The following SLC9A9 variants were observed in gnomAD, a reference collection of about 807,000 sequenced individuals.
SLC9A9 encodes the protein solute carrier family 9 member A9.
Under a neutral mutation model 77.8 loss-of-function variants are expected in SLC9A9, and 62 were observed. The observed-to-expected ratio is 0.80, with a 90% CI of 0.65 to 0.98. The LOEUF is 0.98. Ranked by LOEUF, SLC9A9 falls within the 50% of genes least tolerant of loss-of-function variation. SLC9A9 has a pLI of 0.00. For synonymous variants in SLC9A9, 320 were observed against 283.5 expected, an observed-to-expected ratio of 1.13 and a Z score of -1.29; for missense variants, 775 against 774.9, an observed-to-expected ratio of 1.00 and a Z score of 0.00.
intron 2 of SLC9A9, among the ~76,000 whole-genome samples, chr3:143,823,667 T>TA (rs1559815396): frequency 6.6e-6 from 1 of 151,230 alleles, no homozygotes; most frequent in African/African-American, 2.4e-5. Context: ...ATAAAAAAAT[T>TA]AAAAAATAAA....
chr3:143,686,907 G>GT (rs61342944), intron 5 of SLC9A9, among the ~76,000 whole-genome samples: 65,486 of 151,826 alleles, frequency 0.43, 14,326 homozygotes, highest in South Asian at 0.6. Context: ...CCTAGTCTCT[G>GT]TTTTTTGCAC....
At chr3:143,331,660 T>C (rs9332458) in intron 14 of SLC9A9, among the ~76,000 whole-genome samples, 51,281 of 152,020 alleles carry the variant, frequency 0.34, 9,508 homozygotes, top group African/African-American at 0.49. Context: ...GTTGGTTACT[T>C]GCCGGGCACT....
At chr3:143,493,506 A>T in intron 11 of SLC9A9, 147 bp downstream of exon 11, 1 of 688,208 alleles carries the variant, frequency 1.5e-6, no homozygotes, top group Admixed American at 2.3e-5. Flanking sequence ...GTTGCTCAGC[A>T]CTTACGGAGA....
At chr3:143,477,737 T>G (rs1266469972) in intron 11 of SLC9A9, among the ~76,000 whole-genome samples, 1 of 152,100 alleles carries the variant, frequency 6.6e-6, no homozygotes, top group Non-Finnish European at 1.5e-5. Context: ...ACCTATGCAA[T>G]GTGTCTCTGT....
At chr3:143,410,094 C>A (rs2034063473) in intron 12 of SLC9A9, among the ~76,000 whole-genome samples, 1 of 152,192 alleles carries the variant, frequency 6.6e-6, no homozygotes, top group Non-Finnish European at 1.5e-5. Context: ...CCCCTTAACT[C>A]CCTGTCCCAA....
In SLC9A9 at chr3:143,396,684, G is replaced by T. The variant is rs543136145; in HGVS notation, c.1470-14570C>A. 2.2e-3 allele frequency among the ~76,000 whole-genome samples: 342 copies of T among 152,210 alleles called. 1 individual carries two copies. Among genetic ancestry groups the T allele is most frequent in the African/African-American group, 7.9e-3 (327 of 41,540 alleles). ...AGCTGTTGTTCTTGTTGTGGTAGTGGTATTAATAGATATTGTTGTCTTTGC... is the reference window on the plus strand; with the variant it reads ...AGCTGTTGTTCTTGTTGTGGTAGTGTTATTAATAGATATTGTTGTCTTTGC... On this transcript the variant is annotated intron_variant, in intron 12 of 15. Transcript: ENST00000316549.
At chr3:143,492,931 G>C (rs1429918575) in intron 11 of SLC9A9, among the ~76,000 whole-genome samples, 1 of 152,206 alleles carries the variant, frequency 6.6e-6, no homozygotes, top group East Asian at 1.9e-4. Flanking sequence ...AACAGGGAAA[G>C]ACTGAAGGTA....
At chr3:143,405,271 A>G (rs1403755747) in intron 12 of SLC9A9, among the ~76,000 whole-genome samples, 3 of 152,160 alleles carry the variant, frequency 2.0e-5, no homozygotes, top group Admixed American at 6.5e-5. Context: ...ACCTGAAGGC[A>G]TAAGTTCCTC....
At chr3:143,732,078 C>T (rs186890374) in intron 4 of SLC9A9, among the ~76,000 whole-genome samples, 593 of 152,310 alleles carry the variant, frequency 3.9e-3, no homozygotes, top group Non-Finnish European at 6.8e-3. Context: ...GCTCCAGGAA[C>T]CCTGTGTTGG....
Position 143,844,168 on chromosome 3 carries a change from T to C in SLC9A9, c.175+3980A>G, listed in dbSNP as rs1349365618. ...ATGCCACACAATTTTTCTTGGTCTC[T>C]ACAAGTGTTCATATGATATTTTAAG... On this transcript the variant is annotated intron_variant, in intron 1 of 15. Coordinates refer to ENST00000316549, the MANE Select transcript of SLC9A9 (RefSeq NM_173653.4). 4.6e-5 allele frequency among the ~76,000 whole-genome samples: 7 copies of C among 152,344 alleles called. No individual in the cohort carries two copies. The East Asian group carries it at 1.2e-3, about 25-fold the overall frequency.
At chr3:143,312,665 C>T (rs980340162) in intron 14 of SLC9A9, among the ~76,000 whole-genome samples, 1 of 152,214 alleles carries the variant, frequency 6.6e-6, no homozygotes, top group African/African-American at 2.4e-5. Context: ...AGGGTAGCAT[C>T]CCCAGCCTTC....
At position 143,363,516 on chromosome 3, in the gene SLC9A9, C is replaced by G. The variant is rs151078834; in HGVS notation, c.1572G>C (p.Arg524=). ...DKNMTKAESA[R]LFRMWYSFDH... is the part of the protein sequence containing the mutation. ...CAAAGCTATACCACATTCTGAAGAG[C>G]CGAGCACTCTCTGCTTTCGTCATGT... is the stretch of plus-strand genomic sequence containing the variant. The change falls in exon 14 of 16, where the codon CGG becomes CGC. Residue 524 remains arginine (R), a synonymous_variant. Coordinates refer to ENST00000316549, the MANE Select transcript of SLC9A9 (RefSeq NM_173653.4). 419 of 1,612,982 alleles carry G rather than the reference C, an allele frequency of 2.6e-4. 1 individual carries two copies. In the African/African-American group the frequency reaches 5.0e-3, roughly 19 times the overall value.
chr3:143,615,485 C>T (rs968221337), intron 6 of SLC9A9, among the ~76,000 whole-genome samples: 1 of 152,134 alleles, frequency 6.6e-6, no homozygotes, highest in African/African-American at 2.4e-5. Context: ...CTTGCTCCTC[C>T]TCTCTGTCTT....
At chr3:143,525,693 T>C (rs1399691942) in intron 9 of SLC9A9, among the ~76,000 whole-genome samples, 1 of 152,200 alleles carries the variant, frequency 6.6e-6, no homozygotes, top group African/African-American at 2.4e-5. Context: ...ACTTAGATAA[T>C]GTCAGTGAGT....
At chr3:143,308,086 G>C (rs76911166) in intron 14 of SLC9A9, among the ~76,000 whole-genome samples, 1 of 152,292 alleles carries the variant, frequency 6.6e-6, no homozygotes, top group Non-Finnish European at 1.5e-5. Context: ...TGGTAGCTGA[G>C]CAGTGTGTCT....
At chr3:143,667,405 C>G (rs2039087022) in intron 5 of SLC9A9, among the ~76,000 whole-genome samples, 1 of 152,180 alleles carries the variant, frequency 6.6e-6, no homozygotes, top group South Asian at 2.1e-4. Flanking sequence ...CAATACCATT[C>G]AGGACATAGG....
At chr3:143,532,617 A>C (rs992099481) in intron 9 of SLC9A9, among the ~76,000 whole-genome samples, 1 of 152,192 alleles carries the variant, frequency 6.6e-6, no homozygotes, top group African/African-American at 2.4e-5. Context: ...AAAGGAAAAA[A>C]ACCCTCATTT....
chr3:143,278,656 C>A (rs1938124019), intron 14 of SLC9A9, among the ~76,000 whole-genome samples: 1 of 151,752 alleles, frequency 6.6e-6, no homozygotes, highest in Non-Finnish European at 1.5e-5. Context: ...TACAAGCAAA[C>A]CAGTGATGTC....
At chr3:143,363,640 G>A (rs1211865520) in intron 13 of SLC9A9, 77 bp from the exon 14 acceptor site, 7 of 1,336,172 alleles carry the variant, frequency 5.2e-6, no homozygotes, top group Non-Finnish European at 7.4e-6. Flanking sequence ...GTCAAACCAA[G>A]TTAAATTTAA....
Sources: allele counts gnomAD v4.1 joint callset (sites outside exome capture counted in the v4.1 genomes callset), GRCh38; gene constraint gnomAD v4.1.1; transcripts MANE v1.5; gene names NCBI Gene and HGNC (gene_info 2026-07-23, HGNC 2026-07-21).